ERC2: variants seen among roughly 807,000 people sequenced by gnomAD.
The protein encoded by ERC2 is ERC protein 2.
A neutral mutation model predicts 114.8 loss-of-function variants in ERC2; 42 were observed. The observed-to-expected ratio is 0.37, with a 90% CI of 0.29 to 0.47. The LOEUF is 0.47. Among genes scored for constraint, ERC2 ranks in the 20% least tolerant of loss-of-function variants. ERC2 has a pLI of 0.99. For missense variants in ERC2, 939 were observed against 1,150.7 expected, an observed-to-expected ratio of 0.82 and a Z score of 2.66; for synonymous variants, 454 against 425.5, an observed-to-expected ratio of 1.07 and a Z score of -0.82.
At chr3:56,302,081 A>G (rs1043846670) in intron 2 of ERC2, among the ~76,000 whole-genome samples, 6 of 152,180 alleles carry the variant, frequency 3.9e-5, no homozygotes, top group African/African-American at 1.4e-4. Flanking sequence ...ACTCAAAGAA[A>G]CCTTAAAGAC....
chr3:56,060,396 G>A (rs564300163), intron 7 of ERC2, among the ~76,000 whole-genome samples: 4 of 152,278 alleles, frequency 2.6e-5, no homozygotes, highest in Non-Finnish European at 4.4e-5. Context: ...ACCCTTTAAA[G>A]GTTGTCATTA....
chr3:56,238,532 C>T (rs148709048), intron 3 of ERC2, among the ~76,000 whole-genome samples: 128 of 152,322 alleles, frequency 8.4e-4, no homozygotes, highest in African/African-American at 3.0e-3. Context: ...AGCCCTGCCC[C>T]AGCAGATCAG....
chr3:55,971,036 A>T (rs1039227452), intron 12 of ERC2, among the ~76,000 whole-genome samples: 23 of 152,218 alleles, frequency 1.5e-4, no homozygotes, highest in African/African-American at 5.1e-4. Flanking sequence ...ACATACTATA[A>T]CATGGATGAA....
At chr3:56,149,229 G>C (rs921574176) in intron 4 of ERC2, 97 bp from the exon 5 acceptor site, 1 of 1,181,174 alleles carries the variant, frequency 8.5e-7, no homozygotes, top group African/African-American at 1.5e-5. Context: ...TGGTAGTGCT[G>C]TCACATATTA....
At chr3:55,627,548 T>C (rs889043078) in intron 17 of ERC2, among the ~76,000 whole-genome samples, 1 of 152,158 alleles carries the variant, frequency 6.6e-6, no homozygotes, top group African/African-American at 2.4e-5. Context: ...GCAGAGCAGA[T>C]CAGATTGGCC....
intron 13 of ERC2, among the ~76,000 whole-genome samples, chr3:55,922,648 A>G (rs2065494722): frequency 6.6e-6 from 1 of 152,138 alleles, no homozygotes; most frequent in East Asian, 1.9e-4. Flanking sequence ...CAGAGATCCT[A>G]CGTAACTGTC....
chr3:56,287,318 T>A (rs2054787116), intron 3 of ERC2, among the ~76,000 whole-genome samples: 1 of 152,184 alleles, frequency 6.6e-6, no homozygotes, highest in Non-Finnish European at 1.5e-5. Flanking sequence ...GTTAAAAAAA[T>A]TGTAAAATAA....
intron 6 of ERC2, among the ~76,000 whole-genome samples, chr3:56,093,090 T>C (rs1304294036): frequency 6.6e-6 from 1 of 152,172 alleles, no homozygotes; most frequent in Admixed American, 6.5e-5. Context: ...AGGCACTGTA[T>C]TTGTTAGGGT....
At chr3:55,894,553 C>G (rs1054721016) in intron 13 of ERC2, among the ~76,000 whole-genome samples, 4 of 152,156 alleles carry the variant, frequency 2.6e-5, no homozygotes, top group Non-Finnish European at 4.4e-5. Flanking sequence ...ACATTATACC[C>G]AACAGGTACT....
intron 17 of ERC2, among the ~76,000 whole-genome samples, chr3:55,615,537 T>C (rs2059087829): frequency 6.6e-6 from 1 of 152,132 alleles, no homozygotes; most frequent in African/African-American, 2.4e-5. Flanking sequence ...CTCCTGACTA[T>C]GGCAGGAGTG....
chr3:55,774,231 C>T (rs1287386817), intron 14 of ERC2, among the ~76,000 whole-genome samples: 1 of 151,992 alleles, frequency 6.6e-6, no homozygotes, highest in Admixed American at 6.6e-5. Context: ...GTCCAAGGAC[C>T]ACCTAACAGG....
chr3:55,813,118 T>C (rs760676110), intron 14 of ERC2, among the ~76,000 whole-genome samples: 2 of 152,142 alleles, frequency 1.3e-5, no homozygotes, highest in Non-Finnish European at 1.5e-5. Flanking sequence ...TAATGTCCTA[T>C]GGAAAGCAAA....
chr3:56,197,863 G>A (rs930484441), intron 3 of ERC2, among the ~76,000 whole-genome samples: 1 of 152,162 alleles, frequency 6.6e-6, no homozygotes, highest in Non-Finnish European at 1.5e-5. Flanking sequence ...TAGTGTTTGG[G>A]TTCACAAGAC....
intron 7 of ERC2, among the ~76,000 whole-genome samples, chr3:56,033,674 C>G (rs1437706416): frequency 6.6e-6 from 1 of 152,140 alleles, no homozygotes; most frequent in Non-Finnish European, 1.5e-5. Flanking sequence ...AGGTTTTTTT[C>G]TTCTTTCAGA....
At chr3:55,900,618 C>G (rs138826057) in intron 13 of ERC2, among the ~76,000 whole-genome samples, 24 of 152,308 alleles carry the variant, frequency 1.6e-4, no homozygotes, top group Middle Eastern at 3.4e-3. Flanking sequence ...GACTCCAAGC[C>G]TGATACCTCA....
rs562005723 is a variant in ERC2, at chr3:56,157,108, C to T, written c.1150-7976G>A. 1.2e-4 allele frequency among the ~76,000 whole-genome samples: 19 copies of T among 152,256 alleles called. 1 individual carries two copies. In the Middle Eastern group the frequency reaches 0.014, roughly 109 times the overall value. ...TAAATAACTTGCCCAAGGTTTCCCC[C>T]TGGGTAAACTGGAATCGTTCCCTCA... On this transcript the variant is annotated intron_variant, in intron 4 of 17. Coordinates refer to ENST00000288221, the MANE Select transcript of ERC2 (RefSeq NM_015576.3).
chr3:55,562,173 C>A (rs537365618), intron 17 of ERC2, among the ~76,000 whole-genome samples: 1 of 149,598 alleles, frequency 6.7e-6, no homozygotes, highest in South Asian at 2.1e-4. Context: ...TTTTTTGAGA[C>A]GGAGTTTTGC....
At chr3:55,555,225 G>A (rs1413877826) in intron 17 of ERC2, among the ~76,000 whole-genome samples, 1 of 152,194 alleles carries the variant, frequency 6.6e-6, no homozygotes, top group Non-Finnish European at 1.5e-5. Context: ...TACTGTAAAT[G>A]TTTATGAAAA....
At chr3:55,628,564 C>T (rs965606079) in intron 17 of ERC2, among the ~76,000 whole-genome samples, 3 of 152,156 alleles carry the variant, frequency 2.0e-5, no homozygotes, top group African/African-American at 7.2e-5. Flanking sequence ...TTTACTCTGA[C>T]TGTTTTTATG....
Sources: allele counts gnomAD v4.1 joint callset (sites outside exome capture counted in the v4.1 genomes callset), GRCh38; gene constraint gnomAD v4.1.1; transcripts MANE v1.5; gene names NCBI Gene and HGNC (gene_info 2026-07-23, HGNC 2026-07-21).